The following VMP1 variants were observed in gnomAD, a reference collection of about 807,000 sequenced individuals.
VMP1 encodes the protein ectopic P-granules autophagy protein 3 homolog.
VMP1 carries 11 observed loss-of-function variants against 56.0 expected under a neutral mutation model. That is an observed-to-expected ratio of 0.20 (90% CI 0.12 to 0.32). The LOEUF (loss-of-function observed/expected upper bound fraction) is 0.32. Among genes scored for constraint, VMP1 ranks in the 10% least tolerant of loss-of-function variants. VMP1 has a pLI of 1.00. For synonymous variants in VMP1, 149 were observed against 165.0 expected (o/e 0.90, Z 0.74); for missense variants, 296 against 490.3 (o/e 0.60, Z 3.74).
chr17:59,766,633 G>C (rs1332021020), intron 6 of VMP1, among the ~76,000 whole-genome samples: 3 of 152,178 alleles, frequency 2.0e-5, no homozygotes, highest in African/African-American at 7.2e-5. Context: ...GTATCAGGCT[G>C]TATGATCGTA....
At chr17:59,774,386 C>G (rs1488631261) in intron 7 of VMP1, among the ~76,000 whole-genome samples, 1 of 150,952 alleles carries the variant, frequency 6.6e-6, no homozygotes, top group East Asian at 2.0e-4. Context: ...CCACTGTACT[C>G]TGGCCTAAGC....
intron 7 of VMP1, among the ~76,000 whole-genome samples, chr17:59,802,938 G>A (rs1270645437): frequency 6.6e-6 from 1 of 152,094 alleles, no homozygotes; most frequent in Non-Finnish European, 1.5e-5. Flanking sequence ...TAGAGATGAC[G>A]TTTCTTCATG....
rs560402146 is a variant in VMP1 at position 59,793,666 on chromosome 17, G to A, written c.715-15130G>A. Among the ~76,000 whole-genome samples the A allele has an allele frequency of 8.7e-5, 10 of 115,232 alleles. 3 individuals are homozygous for A. The highest frequency in any genetic ancestry group is 2.4e-4 in the East Asian group (1 of 4,084). 75.6% of individuals were successfully genotyped at this position (115,232 alleles called of 152,430 possible). A position where few individuals can be genotyped will look rare whatever the true frequency, so the allele number is the denominator to read the frequency against. On this transcript the variant is annotated intron_variant, in intron 7 of 11. Coordinates refer to ENST00000262291, the MANE Select transcript of VMP1 (RefSeq NM_030938.5). Reference sequence around the variant, plus strand: ...TTTTGAGATGGAGTCTTGCTCTGTCGCCCAGGCTGAAGTGCAGTGGCGTGA... The same window carrying A: ...TTTTGAGATGGAGTCTTGCTCTGTCACCCAGGCTGAAGTGCAGTGGCGTGA...
intron 5 of VMP1, among the ~76,000 whole-genome samples, chr17:59,763,310 G>A (rs1474634769): frequency 6.6e-6 from 1 of 151,804 alleles, no homozygotes; most frequent in East Asian, 1.9e-4. Flanking sequence ...GTGTGCACCT[G>A]GCATTTAAAG....
chr17:59,807,591 G>C (rs2037888731), intron 7 of VMP1, among the ~76,000 whole-genome samples: 1 of 152,098 alleles, frequency 6.6e-6, no homozygotes, highest in East Asian at 2.0e-4. Context: ...TTGGCACTTT[G>C]GGAGGCCGAG....
At chr17:59,810,564 TATAAC>T (rs781152449) in intron 8 of VMP1, among the ~76,000 whole-genome samples, 1 of 152,128 alleles carries the variant, frequency 6.6e-6, no homozygotes, top group African/African-American at 2.4e-5. Flanking sequence ...CATGAGCAAA[TATAAC>T]AAATAGCAGG....
Position 59,731,504 on chromosome 17 carries a change from C to T in VMP1, c.58C>T (p.His20Tyr), listed in dbSNP as rs561394700. The T allele has an allele frequency of 1.3e-5, 21 of 1,584,562 alleles. No homozygotes were observed. In the East Asian group the frequency reaches 4.0e-4, roughly 30 times the overall value. Residue 20 changes from histidine to tyrosine, a missense_variant, in exon 2 of 12, where the codon CAT becomes TAT. His to Tyr is a moderately conservative substitution (Grantham distance 83). This residue lies in a region of VMP1 where 69 missense variants were observed against 76.6 expected (regional missense o/e 0.90). Transcript: ENST00000262291. ...ACGTGTAGCAATGAACAAGGAACAT[C>T]ATAATGGAAATTTCACAGGTAAATT... ...QRRVAMNKEH[H>Y]NGNFTDPSSV... is the part of the protein sequence containing the mutation.
intron 7 of VMP1, among the ~76,000 whole-genome samples, chr17:59,801,045 A>G (rs1205291914): frequency 7.1e-6 from 1 of 141,820 alleles, no homozygotes; most frequent in Non-Finnish European, 1.5e-5. Flanking sequence ...GTGCCATTGC[A>G]CCCCATCCTG....
At chr17:59,817,897 C>CAGCAAGTTATTT in intron 10 of VMP1, 124 bp downstream of exon 10, 1 of 617,910 alleles carries the variant, frequency 1.6e-6, no homozygotes, top group Non-Finnish European at 2.6e-6. Context: ...GCAAAAATAA[C>CAGCAAGTTATTT]TTGCTGTTAT....
chr17:59,835,030 G>C (rs138135363), intron 10 of VMP1, among the ~76,000 whole-genome samples: 4 of 151,694 alleles, frequency 2.6e-5, no homozygotes, highest in Non-Finnish European at 5.9e-5. Flanking sequence ...AAAGTGCTAG[G>C]ATTACAGGCG....
intron 11 of VMP1, 74 bp downstream of exon 11, chr17:59,838,471 C>T (rs1406786416): frequency 2.7e-6 from 4 of 1,455,910 alleles, no homozygotes; most frequent in African/African-American, 1.4e-5. Flanking sequence ...CTCTCACTCA[C>T]ATTTTTAGGC....
At chr17:59,739,540 T>C (rs538877328) in intron 5 of VMP1, among the ~76,000 whole-genome samples, 25 of 151,188 alleles carry the variant, frequency 1.7e-4, no homozygotes, top group South Asian at 1.2e-3. Context: ...CTGGCTAACA[T>C]GGTGAAACCC....
chr17:59,757,253 A>C (rs866988570), intron 5 of VMP1, among the ~76,000 whole-genome samples: 2,436 of 141,346 alleles, frequency 0.017, 34 homozygotes, highest in Middle Eastern at 0.051. Context: ...AGATAGATAG[A>C]TAGATAGATA....
chr17:59,749,115 A>ATT (rs34622252), intron 5 of VMP1, among the ~76,000 whole-genome samples: 5 of 131,298 alleles, frequency 3.8e-5, no homozygotes, highest in South Asian at 2.4e-4. Context: ...ACGCCTGGCT[A>ATT]TTTTTTTTTT....
chr17:59,773,886 G>A lies in VMP1; in HGVS notation c.714+1G>A. ...GCTGGAACATGCAGAGTCTGCACAA[G>A]TAAGAACAGTGGGGATAGAAAATAG... On this transcript the variant is annotated splice_donor_variant, in intron 7 of 11. Transcript: ENST00000262291. LOFTEE classifies it high-confidence loss of function. The A allele has an allele frequency of 6.2e-7, 1 of 1,606,500 alleles. No homozygotes were observed. Among genetic ancestry groups the A allele is most frequent in the Non-Finnish European group, 8.5e-7 (1 of 1,176,912 alleles).
intron 7 of VMP1, among the ~76,000 whole-genome samples, chr17:59,792,245 C>G (rs1259904882): frequency 6.6e-6 from 1 of 152,140 alleles, no homozygotes; most frequent in Non-Finnish European, 1.5e-5. Context: ...CCACTGCACT[C>G]CAGCTAGACG....
In VMP1 at chr17:59,839,836, T is replaced by C. The variant is rs375970363; in HGVS notation, c.1146T>C (p.Ser382=). 7 of 1,613,796 alleles carry C rather than the reference T, an allele frequency of 4.3e-6. No homozygotes were observed. Among genetic ancestry groups the C allele is most frequent in the Non-Finnish European group, 5.9e-6 (7 of 1,179,970 alleles). ...TCATGGTGTGTTACTTCATCCTATC[T>C]ATCATTAACTCCATGGCACAAAGTT... The part of the protein sequence containing the change: ...VVVMVCYFIL[S]IINSMAQSYA... Residue 382 remains serine (S), a synonymous_variant, in exon 12 of 12, where the codon TCT becomes TCC. Transcript: ENST00000262291.
chr17:59,801,026 G>A (rs2037622096), intron 7 of VMP1, among the ~76,000 whole-genome samples: 1 of 146,632 alleles, frequency 6.8e-6, no homozygotes, highest in Admixed American at 7.1e-5. Flanking sequence ...GTTACAGTGA[G>A]CCAAGATCGT....
intron 1 of VMP1, among the ~76,000 whole-genome samples, chr17:59,714,018 G>A (rs1174215698): frequency 7.4e-6 from 1 of 135,734 alleles, no homozygotes; most frequent in Non-Finnish European, 1.5e-5. Context: ...TCCAACCTGC[G>A]CAACTGAGCG....
Sources: gnomAD v4.1 joint callset for allele counts (sites outside exome capture counted in the v4.1 genomes callset) on GRCh38, gnomAD v4.1.1 for gene constraint, gnomAD v4.1.1 regional missense constraint, MANE v1.5 for transcripts, NCBI Gene and HGNC (gene_info 2026-07-23, HGNC 2026-07-21) for gene names.